The following ZPBP variants were observed in gnomAD, a reference collection of about 807,000 sequenced individuals.
The protein encoded by ZPBP is zona pellucida binding protein, also known as zona pellucida-binding protein 1.
Under a neutral mutation model 44.8 loss-of-function variants are expected in ZPBP, and 26 were observed. The observed-to-expected ratio is 0.58, with a 90% CI of 0.43 to 0.81. ZPBP has a LOEUF of 0.81. ZPBP is among the 30% of genes least tolerant of loss of function. ZPBP has a pLI of 0.00. For synonymous variants in ZPBP, 174 were observed against 153.2 expected (o/e 1.14, Z -1.00); for missense variants, 409 against 434.0 (o/e 0.94, Z 0.51).
chr7:49,907,983 G>A (rs1229697629), intron 1 of ZPBP, among the ~76,000 whole-genome samples: 7 of 152,136 alleles, frequency 4.6e-5, no homozygotes. Flanking sequence ...AAAAGACCTG[G>A]AAAGGGAAGG....
intron 1 of ZPBP, among the ~76,000 whole-genome samples, chr7:50,091,369 A>G (rs1802984605): frequency 6.6e-6 from 1 of 151,962 alleles, no homozygotes; most frequent in Non-Finnish European, 1.5e-5. Context: ...TTTTTGTTGC[A>G]TTTGCTTTTG....
chr7:50,087,726 G>A (rs767735250), intron 2 of ZPBP, among the ~76,000 whole-genome samples: 1 of 151,914 alleles, frequency 6.6e-6, no homozygotes, highest in Non-Finnish European at 1.5e-5. Context: ...CAGAAGAAAT[G>A]TAACACTTGC....
chr7:49,938,988 G>A (rs1794738395), intron 7 of ZPBP, among the ~76,000 whole-genome samples: 1 of 152,080 alleles, frequency 6.6e-6, no homozygotes. Flanking sequence ...TTTAATAGAT[G>A]TTTTATTTGG....
chr7:50,013,865 A>G (rs535847002), intron 6 of ZPBP, among the ~76,000 whole-genome samples: 1 of 152,268 alleles, frequency 6.6e-6, no homozygotes, highest in Non-Finnish European at 1.5e-5. Context: ...CTTAAAATAA[A>G]TGGATGAATG....
intron 3 of ZPBP, among the ~76,000 whole-genome samples, chr7:50,069,848 C>T (rs979148853): frequency 3.9e-5 from 6 of 152,084 alleles, no homozygotes; most frequent in African/African-American, 9.7e-5. Flanking sequence ...GGCTACGAAG[C>T]TGGTCCTATC....
intron 3 of ZPBP, among the ~76,000 whole-genome samples, chr7:50,070,934 T>C (rs1356015969): frequency 2.6e-5 from 4 of 152,158 alleles, no homozygotes; most frequent in African/African-American, 9.7e-5. Context: ...GGGGGAGAGA[T>C]AAGGCTCACT....
At chr7:49,948,176 T>C (rs1795183194) in intron 7 of ZPBP, among the ~76,000 whole-genome samples, 1 of 152,194 alleles carries the variant, frequency 6.6e-6, no homozygotes, top group African/African-American at 2.4e-5. Context: ...AGGAGCCCAC[T>C]TGTTGCTCTA....
At chr7:49,857,312 A>G (rs1354312478) in intron 2 of ZPBP, among the ~76,000 whole-genome samples, 1 of 152,206 alleles carries the variant, frequency 6.6e-6, no homozygotes, top group Non-Finnish European at 1.5e-5. Flanking sequence ...GGCTTTTTCC[A>G]CTAAGCATAA....
At chr7:50,045,808 TA>T (rs1206878504) in intron 4 of ZPBP, among the ~76,000 whole-genome samples, 53 of 145,480 alleles carry the variant, frequency 3.6e-4, no homozygotes, top group South Asian at 6.6e-4. Flanking sequence ...TTAAATTTCA[TA>T]TGGAACCAAA....
At chr7:49,852,010 C>T (rs529991258) in intron 2 of ZPBP, among the ~76,000 whole-genome samples, 1 of 152,340 alleles carries the variant, frequency 6.6e-6, no homozygotes, top group African/African-American at 2.4e-5. Context: ...TAGATCACTG[C>T]TGTCAGCCTA....
At position 49,950,620 on chromosome 7, in the gene ZPBP, C is replaced by T. The variant is rs575243238; in HGVS notation, c.962-12998G>A. Among the ~76,000 whole-genome samples, 8 of 151,452 alleles carry T rather than the reference C, an allele frequency of 5.3e-5. No homozygotes were observed. In the East Asian group the frequency reaches 5.8e-4, roughly 11 times the overall value. ...ATATGTGTATGTCTATTTATATGTA[C>T]ACATATAAATACACAAATTAATATG... On this transcript the variant is annotated intron_variant, in intron 7 of 7. Transcript: ENST00000046087.
intron 5 of ZPBP, among the ~76,000 whole-genome samples, chr7:50,029,408 T>C (rs1753421641): frequency 6.6e-6 from 1 of 152,138 alleles, no homozygotes; most frequent in South Asian, 2.1e-4. Context: ...GACCTCAGAT[T>C]TGGCAACATA....
chr7:50,072,421 G>T (rs1364645284), intron 3 of ZPBP, among the ~76,000 whole-genome samples: 1 of 152,228 alleles, frequency 6.6e-6, no homozygotes, highest in Non-Finnish European at 1.5e-5. Context: ...AAGGGATTGG[G>T]GGACCTTGCA....
At chr7:49,893,475 T>C (rs1190889448) in intron 2 of ZPBP, among the ~76,000 whole-genome samples, 1 of 152,236 alleles carries the variant, frequency 6.6e-6, no homozygotes, top group Non-Finnish European at 1.5e-5. Flanking sequence ...AGTCCCTCTT[T>C]AAAAACTTTT....
intron 6 of ZPBP, among the ~76,000 whole-genome samples, chr7:49,999,924 T>C (rs982202088): frequency 3.9e-5 from 6 of 152,114 alleles, no homozygotes; most frequent in African/African-American, 1.4e-4. Flanking sequence ...TCGATCTTTC[T>C]TCTCGCCAAA....
At chr7:50,002,264 A>T (rs1050066395) in intron 6 of ZPBP, among the ~76,000 whole-genome samples, 1 of 151,774 alleles carries the variant, frequency 6.6e-6, no homozygotes, top group African/African-American at 2.4e-5. Flanking sequence ...ATCAAATCTC[A>T]TGAGGCTTAT....
chr7:49,892,032 T>TTG lies in ZPBP; in HGVS notation n.509+9085_509+9086insCA, dbSNP rs1491496240. Reference sequence around the variant, plus strand: ...CAGTTGGCAGAACAGACAAAGTAGATTTTTTTTTTTTTTTTTTTTTTTTTT... The same window carrying TTG: ...CAGTTGGCAGAACAGACAAAGTAGATTGTTTTTTTTTTTTTTTTTTTTTTTTT... On this transcript the variant is annotated intron_variant and non_coding_transcript_variant, in intron 2 of 2. Transcript: ENST00000465922. Among the ~76,000 whole-genome samples, 23 of 4,516 alleles carry TTG rather than the reference T, an allele frequency of 5.1e-3. 1 individual carries two copies. The highest frequency in any genetic ancestry group is 9.3e-3 in the African/African-American group (22 of 2,370). 3.0% of individuals were successfully genotyped at this position (4,516 alleles called of 152,430 possible).
At chr7:49,989,449 GA>G (rs1425938178) in intron 6 of ZPBP, among the ~76,000 whole-genome samples, 1 of 152,172 alleles carries the variant, frequency 6.6e-6, no homozygotes, top group Admixed American at 6.6e-5. Flanking sequence ...CCATCAAAGT[GA>G]ATCCAAAAGG....
At position 49,905,731 on chromosome 7, in the gene ZPBP, G is replaced by C. The variant is rs909056802; in HGVS notation, n.412-4516C>G. 4.6e-5 allele frequency among the ~76,000 whole-genome samples: 7 copies of C among 152,260 alleles called. No individual in the cohort carries two copies. The East Asian group carries it at 1.4e-3, about 29-fold the overall frequency. On this transcript the variant is annotated intron_variant and non_coding_transcript_variant, in intron 1 of 2. Transcript: ENST00000465922. ...GACCTACTGGGCTGCATTCCCAGAT[G>C]GTTAAGGCATTCTAAGTCACGAGAT...
Sources: gnomAD v4.1 joint callset for allele counts (sites outside exome capture counted in the v4.1 genomes callset) on GRCh38, gnomAD v4.1.1 for gene constraint, MANE v1.5 for transcripts, NCBI Gene and HGNC (gene_info 2026-07-23, HGNC 2026-07-21) for gene names.